CNTNAP2: variants seen among roughly 807,000 people sequenced by gnomAD.
The protein encoded by CNTNAP2 is contactin associated protein 2, also known as contactin-associated protein-like 2.
In CNTNAP2, 98 loss-of-function variants were observed where a neutral mutation model predicts 155.2. The ratio of observed to expected loss-of-function variants is 0.63; its 90% CI spans 0.54 to 0.75. The LOEUF (loss-of-function observed/expected upper bound fraction) is 0.75, where lower values mean the gene tolerates loss of function less well. Among genes scored for constraint, CNTNAP2 ranks in the 30% least tolerant of loss-of-function variants. The pLI is 0.00. For missense variants in CNTNAP2, 1,727 were observed against 1,688.1 expected, an observed-to-expected ratio of 1.02 and a Z score of -0.40; for synonymous variants, 651 against 631.2, an observed-to-expected ratio of 1.03 and a Z score of -0.47.
chr7:146,301,694 AC>A, intron 1 of CNTNAP2, among the ~76,000 whole-genome samples: 1 of 152,132 alleles, frequency 6.6e-6, no homozygotes, highest in South Asian at 2.1e-4. Flanking sequence ...ACCACTGCCT[AC>A]CTATAATGTC....
chr7:147,182,705 G>C (rs1802487954), intron 8 of CNTNAP2, among the ~76,000 whole-genome samples: 1 of 151,664 alleles, frequency 6.6e-6, no homozygotes, highest in Non-Finnish European at 1.5e-5. Flanking sequence ...TGGTATTTTT[G>C]TTCATTCTCT....
At chr7:146,829,312 G>T (rs1045485292) in intron 2 of CNTNAP2, among the ~76,000 whole-genome samples, 5 of 151,740 alleles carry the variant, frequency 3.3e-5, no homozygotes, top group African/African-American at 1.2e-4. Context: ...TGCCATTTAT[G>T]TCTGGATATT....
At chr7:146,504,621 G>T (rs6945701) in intron 1 of CNTNAP2, among the ~76,000 whole-genome samples, 1 of 152,094 alleles carries the variant, frequency 6.6e-6, no homozygotes, top group Non-Finnish European at 1.5e-5. Flanking sequence ...CTACAGTTAC[G>T]ACACCTGCTC....
At chr7:148,229,877 T>C (rs1795928679) in intron 20 of CNTNAP2, 98 bp downstream of exon 20, 1 of 1,389,404 alleles carries the variant, frequency 7.2e-7, no homozygotes, top group African/African-American at 1.4e-5. Context: ...GGGATAGAAG[T>C]AGAAGAGATG....
At chr7:147,297,443 A>G (rs1041683980) in intron 8 of CNTNAP2, among the ~76,000 whole-genome samples, 6 of 152,202 alleles carry the variant, frequency 3.9e-5, no homozygotes, top group Non-Finnish European at 7.3e-5. Flanking sequence ...GAGAAACTAT[A>G]AGGAAAAATA....
At chr7:146,540,623 C>T (rs112877406) in intron 1 of CNTNAP2, among the ~76,000 whole-genome samples, 7,811 of 151,984 alleles carry the variant, frequency 0.051, 649 homozygotes, top group African/African-American at 0.17. Flanking sequence ...TAGATATTGA[C>T]TCCAAAGAGA....
chr7:147,479,387 G>C (rs1328582010), intron 10 of CNTNAP2, among the ~76,000 whole-genome samples: 1 of 152,080 alleles, frequency 6.6e-6, no homozygotes, highest in Non-Finnish European at 1.5e-5. Flanking sequence ...TTGTTTCTCA[G>C]AGTTTGTTTT....
intron 8 of CNTNAP2, among the ~76,000 whole-genome samples, chr7:147,257,378 C>G (rs529051314): frequency 7.9e-5 from 12 of 152,172 alleles, no homozygotes; most frequent in Non-Finnish European, 1.5e-4. Flanking sequence ...TTGCAGCGGC[C>G]CACTCAGCAA....
intron 1 of CNTNAP2, among the ~76,000 whole-genome samples, chr7:146,363,562 GGAGGAAGAGGTGGC>G (rs1178466156): frequency 2.0e-5 from 3 of 152,190 alleles, no homozygotes; most frequent in Non-Finnish European, 4.4e-5. Flanking sequence ...AGGAAACTCA[GGAGGAAGAGGTGGC>G]GAGGAAGAGG....
At chr7:146,246,857 G>T (rs1253136227) in intron 1 of CNTNAP2, among the ~76,000 whole-genome samples, 1 of 152,228 alleles carries the variant, frequency 6.6e-6, no homozygotes, top group African/African-American at 2.4e-5. Flanking sequence ...GCTCCTGGGG[G>T]AGGAGGTTCT....
At chr7:147,757,380 G>A (rs1260528250) in intron 13 of CNTNAP2, among the ~76,000 whole-genome samples, 1 of 152,158 alleles carries the variant, frequency 6.6e-6, no homozygotes, top group East Asian at 1.9e-4. Flanking sequence ...CCAGGCAGAA[G>A]GAAATTTGCA....
At chr7:146,836,787 A>G (rs531373656) in intron 2 of CNTNAP2, among the ~76,000 whole-genome samples, 11 of 152,206 alleles carry the variant, frequency 7.2e-5, no homozygotes, top group Non-Finnish European at 1.6e-4. Context: ...TTATATTTTT[A>G]TAGTATACAC....
intron 15 of CNTNAP2, among the ~76,000 whole-genome samples, chr7:148,094,083 A>G (rs1803910151): frequency 6.6e-6 from 1 of 152,130 alleles, no homozygotes; most frequent in African/African-American, 2.4e-5. Context: ...ACCATATAAA[A>G]CTAGGCAGTG....
At chr7:147,577,505 G>A (rs1417978041) in intron 12 of CNTNAP2, among the ~76,000 whole-genome samples, 1 of 151,718 alleles carries the variant, frequency 6.6e-6, no homozygotes, top group Non-Finnish European at 1.5e-5. Flanking sequence ...ACTCCTATCT[G>A]TAGCCCCCAT....
At chr7:146,553,727 A>G (rs802017) in intron 1 of CNTNAP2, among the ~76,000 whole-genome samples, 4,598 of 152,192 alleles carry the variant, frequency 0.03, 256 homozygotes, top group African/African-American at 0.1. Flanking sequence ...GCTATATCAC[A>G]TAGTGAACAT....
chr7:146,937,306 A>G (rs1796937048), intron 3 of CNTNAP2, among the ~76,000 whole-genome samples: 1 of 151,194 alleles, frequency 6.6e-6, no homozygotes, highest in Admixed American at 6.6e-5. Context: ...AGCTGTGATC[A>G]CGCCACTGCA....
At chr7:147,628,064 G>C (rs538599000) in intron 12 of CNTNAP2, among the ~76,000 whole-genome samples, 1 of 152,092 alleles carries the variant, frequency 6.6e-6, no homozygotes, top group African/African-American at 2.4e-5. Flanking sequence ...ATATTTGAGG[G>C]AATACTTGAG....
chr7:148,210,312 C>T (rs780182211), intron 18 of CNTNAP2, among the ~76,000 whole-genome samples: 3 of 152,146 alleles, frequency 2.0e-5, no homozygotes, highest in Non-Finnish European at 4.4e-5. Flanking sequence ...TGTAGTGAAG[C>T]CCTCATCTCA....
chr7:147,441,843 CT>C (rs1797643356), intron 10 of CNTNAP2, among the ~76,000 whole-genome samples: 27 of 146,158 alleles, frequency 1.8e-4, no homozygotes, highest in South Asian at 6.7e-4. Flanking sequence ...CTCTCTCTCT[CT>C]CTCTCTCCCT....
Sources: allele counts gnomAD v4.1 joint callset (sites outside exome capture counted in the v4.1 genomes callset), GRCh38; gene constraint gnomAD v4.1.1; transcripts MANE v1.5; gene names NCBI Gene and HGNC (gene_info 2026-07-23, HGNC 2026-07-21).